The following ANKRD17 variants were observed in gnomAD, a reference collection of about 807,000 sequenced individuals.
The protein encoded by ANKRD17 is ankyrin repeat domain-containing protein 17.
In ANKRD17, 19 loss-of-function variants were observed where a neutral mutation model predicts 229.7. The ratio of observed to expected loss-of-function variants is 0.08; its 90% CI spans 0.06 to 0.12. The LOEUF (loss-of-function observed/expected upper bound fraction) is 0.12, where lower values mean the gene tolerates loss of function less well. Ranked by LOEUF, ANKRD17 falls within the 10% of genes least tolerant of loss-of-function variation. ANKRD17 has a pLI of 1.00. For synonymous variants in ANKRD17, 1,112 were observed against 1,146.1 expected (o/e 0.97, Z 0.60); for missense variants, 2,176 against 3,176.8 (o/e 0.68, Z 7.57).
intron 18 of ANKRD17, among the ~76,000 whole-genome samples, chr4:73,122,009 T>G (rs970992996): frequency 6.6e-6 from 1 of 152,124 alleles, no homozygotes; most frequent in Non-Finnish European, 1.5e-5. Flanking sequence ...AGGTCTGGAC[T>G]GAAAATTTTG....
chr4:73,097,991 TTTAC>T (rs1192011021), intron 26 of ANKRD17, 78 bp downstream of exon 26: 1 of 1,372,570 alleles, frequency 7.3e-7, no homozygotes, highest in African/African-American at 1.5e-5. Context: ...AAGTTGCAAA[TTTAC>T]TTTCTTTACC....
chr4:73,103,277 A>C (rs2148614723), intron 24 of ANKRD17, among the ~76,000 whole-genome samples: 1 of 152,148 alleles, frequency 6.6e-6, no homozygotes, highest in East Asian at 1.9e-4. Flanking sequence ...TTGTGCATCG[A>C]TTTGTATAAA....
At chr4:73,226,365 A>C (rs1279269655) in intron 1 of ANKRD17, among the ~76,000 whole-genome samples, 1 of 150,280 alleles carries the variant, frequency 6.7e-6, no homozygotes, top group Non-Finnish European at 1.5e-5. Context: ...TATTGCTACT[A>C]ATAGTAATAA....
intron 1 of ANKRD17, among the ~76,000 whole-genome samples, chr4:73,244,862 G>T (rs1744349933): frequency 6.6e-6 from 1 of 152,096 alleles, no homozygotes; most frequent in Non-Finnish European, 1.5e-5. Context: ...TAAAACTCTT[G>T]CCTGCAATAA....
chr4:73,113,279 A>G (rs1725548595), intron 24 of ANKRD17: 1 of 1,289,222 alleles, frequency 7.8e-7, no homozygotes, highest in Non-Finnish European at 1.0e-6. Context: ...TTTACTCCCC[A>G]TGGGAATAGA....
At chr4:73,158,382 C>T (rs1732055667) in intron 3 of ANKRD17, among the ~76,000 whole-genome samples, 1 of 152,104 alleles carries the variant, frequency 6.6e-6, no homozygotes, top group South Asian at 2.1e-4. Context: ...TCCACTTTGG[C>T]CACATTGGTC....
chr4:73,135,166 G>C lies in ANKRD17; in HGVS notation c.3185C>G (p.Ser1062Cys), dbSNP rs1198064433. The C allele has an allele frequency of 1.9e-6, 3 of 1,613,766 alleles. No homozygotes were observed. Among genetic ancestry groups the C allele is most frequent in the African/African-American group, 2.7e-5 (2 of 74,914 alleles). The change falls in exon 16 of 34, where the codon TCT (serine) becomes TGT (cysteine). Residue 1062 changes from serine to cysteine, a missense_variant. Around this residue, in one of 18 missense-constraint regions of ANKRD17, gnomAD observed 230 missense variants for 252.3 expected, o/e 0.91. Coordinates refer to ENST00000358602, the MANE Select transcript of ANKRD17 (RefSeq NM_032217.5). ...PQTPTPSPII[S>C]PSAMLPIYPA... ...GTAGATAGGAAGCATGGCTGAAGGA[G>C]AGATGATAGGACTTGGAGTTGGAGT...
At chr4:73,251,749 C>T (rs1384736772) in intron 1 of ANKRD17, among the ~76,000 whole-genome samples, 2 of 152,004 alleles carry the variant, frequency 1.3e-5, no homozygotes, top group Non-Finnish European at 2.9e-5. Context: ...TTAAATTATC[C>T]TTATAAAAAT....
At chr4:73,231,573 G>T (rs1743048733) in intron 1 of ANKRD17, among the ~76,000 whole-genome samples, 2 of 152,218 alleles carry the variant, frequency 1.3e-5, no homozygotes, top group African/African-American at 4.8e-5. Flanking sequence ...GTGATATCAT[G>T]AAATATACAT....
At chr4:73,088,697 T>C (rs1433937361) in intron 29 of ANKRD17, among the ~76,000 whole-genome samples, 1 of 152,224 alleles carries the variant, frequency 6.6e-6, no homozygotes, top group Non-Finnish European at 1.5e-5. Context: ...TTCAGTTGAC[T>C]TTTAGCAAAG....
chr4:73,077,566 G>A, intron 31 of ANKRD17, 33 bp from the exon 32 acceptor site: 1 of 1,504,184 alleles, frequency 6.6e-7, no homozygotes, highest in Non-Finnish European at 8.9e-7. Flanking sequence ...AACAAAAATA[G>A]ATAATATTTA....
intron 1 of ANKRD17, among the ~76,000 whole-genome samples, chr4:73,212,101 G>T (rs1323745093): frequency 6.6e-6 from 1 of 152,024 alleles, no homozygotes; most frequent in Non-Finnish European, 1.5e-5. Flanking sequence ...CAAAGCCAAG[G>T]AGAGTCTAAA....
intron 2 of ANKRD17, among the ~76,000 whole-genome samples, chr4:73,173,927 A>T (rs544663775): frequency 1.3e-5 from 2 of 152,234 alleles, no homozygotes; most frequent in African/African-American, 4.8e-5. Context: ...ACTGAATTTC[A>T]TAATAATTTC....
intron 1 of ANKRD17, among the ~76,000 whole-genome samples, chr4:73,250,882 A>G (rs1744960903): frequency 6.6e-6 from 1 of 151,834 alleles, no homozygotes; most frequent in South Asian, 2.1e-4. Flanking sequence ...TAATTTTTCT[A>G]TTTTTAGCAC....
intron 1 of ANKRD17, among the ~76,000 whole-genome samples, chr4:73,182,498 A>C (rs1578305575): frequency 1.3e-5 from 2 of 152,316 alleles, no homozygotes; most frequent in South Asian, 2.1e-4. Context: ...ATGCTGGAAT[A>C]ATAAGGGGTT....
intron 1 of ANKRD17, among the ~76,000 whole-genome samples, chr4:73,186,619 CT>C (rs1736329274): frequency 6.6e-6 from 1 of 152,080 alleles, no homozygotes; most frequent in East Asian, 1.9e-4. Flanking sequence ...TAAAACGTGA[CT>C]TCTTATGCTT....
intron 27 of ANKRD17, among the ~76,000 whole-genome samples, chr4:73,094,603 C>T (rs1723098207): frequency 6.6e-6 from 1 of 151,658 alleles, no homozygotes; most frequent in Non-Finnish European, 1.5e-5. Flanking sequence ...TATGAAAACA[C>T]CACCATGTCA....
chr4:73,087,315 C>A (rs1209773222), intron 29 of ANKRD17, among the ~76,000 whole-genome samples: 1 of 151,988 alleles, frequency 6.6e-6, no homozygotes, highest in African/African-American at 2.4e-5. Context: ...AAATTTCTGG[C>A]CTCAAATGAG....
Position 73,074,581 on chromosome 4 carries a change from G to T in ANKRD17, c.*1650C>A, listed in dbSNP as rs1279172235. The T allele has an allele frequency of 6.6e-6, 1 of 151,670 alleles. No individual in the cohort carries two copies. The allele number at this position is 151,670 out of a possible 1,614,324, so 9.4% of individuals were successfully genotyped here. Reference sequence around the variant, plus strand: ...TGAGTGTACTGTTTACAAATTTCTGGATATGTTTGAGAAGTCATCTTTTTA... The same window carrying T: ...TGAGTGTACTGTTTACAAATTTCTGTATATGTTTGAGAAGTCATCTTTTTA... On this transcript the variant is annotated 3_prime_UTR_variant, in exon 34 of 34. Coordinates refer to ENST00000358602, the MANE Select transcript of ANKRD17 (RefSeq NM_032217.5).
Sources: gnomAD v4.1 joint callset for allele counts (sites outside exome capture counted in the v4.1 genomes callset) on GRCh38, gnomAD v4.1.1 for gene constraint, gnomAD v4.1.1 regional missense constraint, MANE v1.5 for transcripts, NCBI Gene and HGNC (gene_info 2026-07-23, HGNC 2026-07-21) for gene names.